Variants in DCAF6 observed in about 807,000 individuals in gnomAD.
DCAF6 encodes DDB1 and CUL4 associated factor 6.
A neutral mutation model predicts 125.1 loss-of-function variants in DCAF6; 54 were observed. The ratio of observed to expected loss-of-function variants is 0.43; its 90% confidence interval spans 0.35 to 0.54. The LOEUF (loss-of-function observed/expected upper bound fraction) is 0.54. Among genes scored for constraint, DCAF6 ranks in the 20% least tolerant of loss-of-function variants. The pLI, the probability that DCAF6 is intolerant of heterozygous loss-of-function variation, is 0.01. For synonymous variants in DCAF6, 371 were observed against 390.4 expected (o/e 0.95, Z 0.58); for missense variants, 934 against 1,161.7 (o/e 0.80, Z 2.85).
At chr1:168,008,348 C>A (rs1395911224) in intron 10 of DCAF6, among the ~76,000 whole-genome samples, 1 of 152,144 alleles carries the variant, frequency 6.6e-6, no homozygotes, top group Admixed American at 6.5e-5. Flanking sequence ...GTAATTGGCT[C>A]CTTCTTGGTC....
chr1:168,003,552 G>A (rs867430243), intron 8 of DCAF6, among the ~76,000 whole-genome samples: 18 of 152,184 alleles, frequency 1.2e-4, no homozygotes, highest in Middle Eastern at 3.4e-3. Context: ...TCTTGGCTGG[G>A]TACTCTTAGA....
intron 7 of DCAF6, among the ~76,000 whole-genome samples, chr1:167,999,263 G>T (rs1682235570): frequency 6.6e-6 from 1 of 152,238 alleles, no homozygotes; most frequent in South Asian, 2.1e-4. Flanking sequence ...GTAAAGAGAT[G>T]TGCCCTCATC....
At chr1:167,907,171 G>A in the DCAF6 span, among the ~76,000 whole-genome samples, 1 of 152,192 alleles carries the variant, frequency 6.6e-6, no homozygotes, top group Non-Finnish European at 1.5e-5. Flanking sequence ...AAACCATGGA[G>A]AACAAGAGAT....
chr1:168,064,312 C>G (rs1692057223), intron 18 of DCAF6, among the ~76,000 whole-genome samples: 1 of 152,032 alleles, frequency 6.6e-6, no homozygotes, highest in Admixed American at 6.5e-5. Flanking sequence ...TTTCTACACC[C>G]AGTGTAATAT....
At chr1:167,880,061 G>A in the DCAF6 span, 9 of 1,489,788 alleles carry the variant, frequency 6.0e-6, no homozygotes, top group Non-Finnish European at 6.5e-6. Context: ...AAAGCCCAGT[G>A]GCAAGGTGCT....
chr1:167,863,988 C>A, the DCAF6 span, among the ~76,000 whole-genome samples: 1 of 152,192 alleles, frequency 6.6e-6, no homozygotes, highest in Non-Finnish European at 1.5e-5. Context: ...CCACTCCATT[C>A]CCACTCCATT....
chr1:167,959,062 A>G (rs1435471495), intron 2 of DCAF6, among the ~76,000 whole-genome samples: 1 of 152,178 alleles, frequency 6.6e-6, no homozygotes, highest in African/African-American at 2.4e-5. Context: ...TGAACTCCTG[A>G]TGACCACTGA....
intron 16 of DCAF6, among the ~76,000 whole-genome samples, chr1:168,046,400 A>G (rs997106557): frequency 2.0e-5 from 3 of 152,192 alleles, no homozygotes; most frequent in Non-Finnish European, 2.9e-5. Flanking sequence ...GAAAGAAGAC[A>G]GGCAAAAATC....
At chr1:167,988,219 G>A (rs182587476) in intron 5 of DCAF6, among the ~76,000 whole-genome samples, 28 of 152,216 alleles carry the variant, frequency 1.8e-4, no homozygotes, top group African/African-American at 6.7e-4. Context: ...GGAGTGCAGT[G>A]GTGCAATCCT....
intron 10 of DCAF6, among the ~76,000 whole-genome samples, chr1:168,010,571 G>A (rs1278279621): frequency 6.6e-6 from 1 of 151,862 alleles, no homozygotes; most frequent in South Asian, 2.1e-4. Flanking sequence ...ACCTCGCCCA[G>A]AATTTGAAGA....
chr1:167,913,058 T>G, the DCAF6 span, among the ~76,000 whole-genome samples: 1 of 152,206 alleles, frequency 6.6e-6, no homozygotes, highest in Admixed American at 6.5e-5. Flanking sequence ...AAGAGCACTT[T>G]CAATGCATGT....
intron 18 of DCAF6, chr1:168,064,015 G>GTTTTT: frequency 8.3e-6 from 1 of 119,784 alleles, no homozygotes; most frequent in Admixed American, 9.1e-5. Context: ...CATTGCTTTT[G>GTTTTT]TTTTTTTTTT....
chr1:167,936,692 G>A lies in DCAF6; in HGVS notation c.-220G>A. On this transcript the variant is annotated 5_prime_UTR_variant, in exon 1 of 22. The change creates a premature stop within an existing upstream ORF in the 5' untranslated region. Coordinates refer to ENST00000367840, the MANE Select transcript of DCAF6 (RefSeq NM_001198956.2). Reference sequence around the variant, plus strand: ...ACTGTTGCTGATCTTTGGATGTTCTGGTTAGTCTAAGAAGGAGAGTATGAG... The same window carrying A: ...ACTGTTGCTGATCTTTGGATGTTCTAGTTAGTCTAAGAAGGAGAGTATGAG... 1 of 525,960 alleles carries A rather than the reference G, an allele frequency of 1.9e-6. No homozygotes were observed. Among genetic ancestry groups the A allele is most frequent in the South Asian group, 2.3e-5 (1 of 43,690 alleles). The allele number at this position is 525,960 out of a possible 1,614,324, so 32.6% of individuals were successfully genotyped here. A position where few individuals can be genotyped will look rare whatever the true frequency, so the allele number is the denominator to read the frequency against.
chr1:168,002,303 C>T (rs538762515), intron 7 of DCAF6, among the ~76,000 whole-genome samples, 179 bp from the exon 8 acceptor site: 1 of 152,206 alleles, frequency 6.6e-6, no homozygotes, highest in East Asian at 1.9e-4. Context: ...TATTTATCCT[C>T]AGAATGAATG....
intron 3 of DCAF6, among the ~76,000 whole-genome samples, chr1:167,972,474 G>A (rs1677486349): frequency 6.6e-6 from 1 of 152,152 alleles, no homozygotes; most frequent in Non-Finnish European, 1.5e-5. Flanking sequence ...TTTTAAACAT[G>A]TACTGATATG....
chr1:167,910,883 A>G, the DCAF6 span, among the ~76,000 whole-genome samples: 1 of 152,224 alleles, frequency 6.6e-6, no homozygotes, highest in African/African-American at 2.4e-5. Context: ...ATGAAAACAG[A>G]GGATGCTCAG....
chr1:167,919,927 G>A, the DCAF6 span: 9 of 1,316,006 alleles, frequency 6.8e-6, no homozygotes, highest in East Asian at 4.8e-5. Context: ...AAAAATTAGT[G>A]CCATCTAAGT....
chr1:167,889,218 T>C, the DCAF6 span, among the ~76,000 whole-genome samples: 9 of 152,338 alleles, frequency 5.9e-5, no homozygotes, highest in East Asian at 1.7e-3. Flanking sequence ...GTCTATTCTA[T>C]ATGGCTTTTC....
chr1:168,014,624 G>A (rs557917552), intron 10 of DCAF6, among the ~76,000 whole-genome samples: 2 of 152,178 alleles, frequency 1.3e-5, no homozygotes, highest in East Asian at 3.9e-4. Flanking sequence ...GTTCCCTGCC[G>A]TAATAAATTG....
Sources: allele counts gnomAD v4.1 joint callset (sites outside exome capture counted in the v4.1 genomes callset), GRCh38; gene constraint gnomAD v4.1.1; transcripts MANE v1.5; gene names NCBI Gene and HGNC (gene_info 2026-07-23, HGNC 2026-07-21).